TTLL9: variants seen among roughly 807,000 people sequenced by gnomAD.
The protein encoded by TTLL9 is tubulin tyrosine ligase like 9.
Under a neutral mutation model 65.6 loss-of-function variants are expected in TTLL9, and 47 were observed. That is an observed-to-expected ratio of 0.72 (90% CI 0.57 to 0.91). TTLL9 has a LOEUF of 0.91. Among genes scored for constraint, TTLL9 ranks in the 40% least tolerant of loss-of-function variants. The pLI is 0.00. For synonymous variants in TTLL9, 179 were observed against 204.8 expected (o/e 0.87, Z 1.07); for missense variants, 537 against 568.8 (o/e 0.94, Z 0.57).
At chr20:31,873,754 AAGAAAGAAAGAAAG>A (rs1235895223) in intron 2 of TTLL9, among the ~76,000 whole-genome samples, 1 of 143,924 alleles carries the variant, frequency 6.9e-6, no homozygotes, top group African/African-American at 2.7e-5. Flanking sequence ...GGAAGGAAGA[AAGAAAGAAAGAAAG>A]AGAAAGAAAG....
chr20:31,938,384 G>A (rs1365720908), intron 13 of TTLL9: 2 of 358,434 alleles, frequency 5.6e-6, no homozygotes, highest in Admixed American at 7.3e-5. Context: ...ACTGAAAGAA[G>A]GTGAAATGGA....
At chr20:31,873,898 T>G (rs1230311047) in intron 2 of TTLL9, among the ~76,000 whole-genome samples, 1 of 150,416 alleles carries the variant, frequency 6.6e-6, no homozygotes, top group Non-Finnish European at 1.5e-5. Flanking sequence ...AAGAAAACAC[T>G]GATAAACGAG....
At chr20:31,902,015 A>G (rs1226071385) in intron 4 of TTLL9, among the ~76,000 whole-genome samples, 1 of 152,248 alleles carries the variant, frequency 6.6e-6, no homozygotes, top group Non-Finnish European at 1.5e-5. Flanking sequence ...GAAAAAATAT[A>G]TAAAATCTTT....
intron 2 of TTLL9, among the ~76,000 whole-genome samples, chr20:31,873,890 G>T (rs751527440): frequency 1.8e-4 from 27 of 150,012 alleles, no homozygotes; most frequent in Non-Finnish European, 3.4e-4. Flanking sequence ...GAAAGAGAAA[G>T]AAAACACTGA....
At position 31,917,505 on chromosome 20, in the gene TTLL9, G is replaced by A. The variant is rs887428317; in HGVS notation, c.505-2359G>A. On this transcript the variant is annotated intron_variant, in intron 6 of 14. Transcript: ENST00000535842. Reference sequence around the variant, plus strand: ...GGGTGTCTGGGGCCATGTCCATGGTGACATGTGCAGACATTTCTGTCATGT... The same window carrying A: ...GGGTGTCTGGGGCCATGTCCATGGTAACATGTGCAGACATTTCTGTCATGT... 3.3e-5 allele frequency among the ~76,000 whole-genome samples: 5 copies of A among 152,222 alleles called. No homozygotes were observed. In the East Asian group the frequency reaches 9.6e-4, roughly 29 times the overall value.
chr20:31,920,858 T>TG lies in TTLL9; in HGVS notation c.573+927dup, dbSNP rs2063806140. On this transcript the variant is annotated intron_variant, in intron 7 of 14. Transcript: ENST00000535842. ...TAGTGCTGCCTGCCATTATTGGGGCTGTTGTGTCACCCCATCAAGTGTGTG... is the reference window on the plus strand; with the variant it reads ...TAGTGCTGCCTGCCATTATTGGGGCTGGTTGTGTCACCCCATCAAGTGTGTG... The TG allele has an allele frequency of 5.2e-5, 8 of 152,746 alleles. 1 individual carries two copies. Among genetic ancestry groups the TG allele is most frequent in the African/African-American group, 1.9e-4 (8 of 41,598 alleles). The allele number at this position is 152,746 out of a possible 1,614,324, so 9.5% of individuals were successfully genotyped here.
At chr20:31,895,724 A>G (rs2123455423) in intron 3 of TTLL9, among the ~76,000 whole-genome samples, 1 of 151,682 alleles carries the variant, frequency 6.6e-6, no homozygotes, top group South Asian at 2.1e-4. Flanking sequence ...AGGCAAGGAA[A>G]CAAATTCTCC....
At chr20:31,908,136 T>C (rs2063587518) in intron 4 of TTLL9, among the ~76,000 whole-genome samples, 1 of 152,152 alleles carries the variant, frequency 6.6e-6, no homozygotes, top group South Asian at 2.1e-4. Flanking sequence ...TCTGAGGATT[T>C]AGTGAGTGGA....
At chr20:31,885,600 T>C (rs566041730) in intron 2 of TTLL9, among the ~76,000 whole-genome samples, 36 of 152,224 alleles carry the variant, frequency 2.4e-4, no homozygotes, top group Non-Finnish European at 4.8e-4. Flanking sequence ...AAACAAGATT[T>C]CACTGTGTTT....
Position 31,913,741 on chromosome 20 carries a change from A to C in TTLL9, c.504+3819A>C, listed in dbSNP as rs533833303. Among the ~76,000 whole-genome samples, 10 of 152,350 alleles carry C rather than the reference A, an allele frequency of 6.6e-5. No individual in the cohort carries two copies. The East Asian group carries it at 1.7e-3, about 26-fold the overall frequency. On this transcript the variant is annotated intron_variant, in intron 6 of 14. Coordinates refer to ENST00000535842, the MANE Select transcript of TTLL9 (RefSeq NM_001008409.5). Reference sequence around the variant, plus strand: ...AGCCCATCTTGGAGCTTTTAGGGGAATATAAGAACAGGCTCTTGGGTCTGG... The same window carrying C: ...AGCCCATCTTGGAGCTTTTAGGGGACTATAAGAACAGGCTCTTGGGTCTGG...
At chr20:31,937,067 C>T (rs1295365635) in intron 12 of TTLL9, among the ~76,000 whole-genome samples, 3 of 141,132 alleles carry the variant, frequency 2.1e-5, no homozygotes, top group Non-Finnish European at 3.0e-5. Context: ...CATTGCACTC[C>T]AGCCTGGGCG....
Position 31,918,488 on chromosome 20 carries a change from C to T in TTLL9, c.505-1376C>T, listed in dbSNP as rs796464608. Among the ~76,000 whole-genome samples, 5 of 152,122 alleles carry T rather than the reference C, an allele frequency of 3.3e-5. No homozygotes were observed. The South Asian group carries it at 1.0e-3, about 32-fold the overall frequency. The stretch of plus-strand genomic sequence containing the variant: ...CTGGGCTAAAGTCATCCTTCCACCT[C>T]TGCCTCCCAGATAGCTGGTACTACA... On this transcript the variant is annotated intron_variant, in intron 6 of 14. Coordinates refer to ENST00000535842, the MANE Select transcript of TTLL9 (RefSeq NM_001008409.5).
chr20:31,909,345 T>C (rs567629405), intron 5 of TTLL9, among the ~76,000 whole-genome samples: 6 of 151,944 alleles, frequency 3.9e-5, no homozygotes, highest in Non-Finnish European at 8.8e-5. Flanking sequence ...GGTTTCATCA[T>C]GTTAGCCAGG....
intron 2 of TTLL9, among the ~76,000 whole-genome samples, chr20:31,873,686 GAAAGAA>G (rs1379856165): frequency 0.016 from 441 of 27,266 alleles, 9 homozygotes; most frequent in African/African-American, 0.047. Flanking sequence ...GAGAGAGAGA[GAAAGAA>G]AGAAAGAAAG....
chr20:31,928,847 A>G (rs1391211945), intron 10 of TTLL9, among the ~76,000 whole-genome samples: 1 of 152,252 alleles, frequency 6.6e-6, no homozygotes, highest in East Asian at 1.9e-4. Context: ...AAGAAAAAGT[A>G]TGAAAGGATG....
At chr20:31,884,860 G>A (rs1001101635) in intron 2 of TTLL9, among the ~76,000 whole-genome samples, 1 of 152,144 alleles carries the variant, frequency 6.6e-6, no homozygotes, top group South Asian at 2.1e-4. Flanking sequence ...TCCCCCTTGC[G>A]TTCTAGGGAT....
chr20:31,871,100 T>TTCCA, intron 1 of TTLL9, 22 bp from the exon 2 acceptor site: 1 of 1,611,632 alleles, frequency 6.2e-7, no homozygotes, highest in Non-Finnish European at 8.5e-7. Context: ...CACTCCTTCC[T>TTCCA]TCCATCCATT....
intron 7 of TTLL9, among the ~76,000 whole-genome samples, chr20:31,921,144 G>A (rs1354458252): frequency 6.6e-6 from 1 of 152,230 alleles, no homozygotes; most frequent in Non-Finnish European, 1.5e-5. Flanking sequence ...TTGCCACATG[G>A]CTGGTGTGAC....
intron 1 of TTLL9, 57 bp from the exon 2 acceptor site, chr20:31,871,065 C>T: frequency 2.6e-6 from 4 of 1,515,948 alleles, no homozygotes; most frequent in Non-Finnish European, 3.7e-6. Flanking sequence ...ACTCGTCCAT[C>T]TTCCCATCCA....
Sources: gnomAD v4.1 joint callset for allele counts (sites outside exome capture counted in the v4.1 genomes callset) on GRCh38, gnomAD v4.1.1 for gene constraint, MANE v1.5 for transcripts, NCBI Gene and HGNC (gene_info 2026-07-23, HGNC 2026-07-21) for gene names.